Variants in KDM2A observed in about 807,000 individuals in gnomAD.
KDM2A encodes lysine-specific demethylase 2A.
In KDM2A, 3 loss-of-function variants were observed where a neutral mutation model predicts 137.3. The observed-to-expected ratio is 0.02, with a 90% CI of 0.01 to 0.06. KDM2A has a LOEUF of 0.06. Ranked by LOEUF, KDM2A falls within the 10% of genes least tolerant of loss-of-function variation. KDM2A has a pLI of 1.00. For missense variants in KDM2A, 738 were observed against 1,510.6 expected (o/e 0.49, Z 8.48); for synonymous variants, 512 against 541.5 (o/e 0.95, Z 0.76).
rs1859459906 is a variant in KDM2A, at chr11:67,252,484, T to C, written c.2769-210T>C. 5 of 581,478 alleles carry C rather than the reference T, an allele frequency of 8.6e-6. No individual in the cohort carries two copies. In the East Asian group the frequency reaches 1.5e-4, roughly 18 times the overall value. The allele number at this position is 581,478 out of a possible 1,614,324, so 36.0% of individuals were successfully genotyped here. On this transcript the variant is annotated intron_variant, in intron 17 of 20. Transcript: ENST00000529006. ...GTGGTCAAGTTATATACTATCAACA[T>C]GTAGGTTTGCAAAGCGTCTAGTTGT...
At chr11:67,201,509 G>A (rs1484565024) in intron 5 of KDM2A, among the ~76,000 whole-genome samples, 1 of 151,728 alleles carries the variant, frequency 6.6e-6, no homozygotes, top group Non-Finnish European at 1.5e-5. Flanking sequence ...GGTGGCTCAC[G>A]CCTGTAATCC....
intron 2 of KDM2A, among the ~76,000 whole-genome samples, chr11:67,176,952 AT>A (rs200841610): frequency 4.0e-5 from 6 of 150,704 alleles, no homozygotes; most frequent in African/African-American, 9.8e-5. Context: ...AATTTATAAA[AT>A]TTTTTTTTTC....
At chr11:67,148,248 C>T (rs192637375) in intron 2 of KDM2A, among the ~76,000 whole-genome samples, 7 of 149,242 alleles carry the variant, frequency 4.7e-5, no homozygotes, top group African/African-American at 7.6e-5. Context: ...ATTGCAAGAC[C>T]GCATCTCTAT....
intron 5 of KDM2A, among the ~76,000 whole-genome samples, chr11:67,193,306 A>G (rs995910819): frequency 4.6e-5 from 7 of 152,320 alleles, no homozygotes; most frequent in African/African-American, 1.4e-4. Context: ...TAAACTTTCA[A>G]CAATCTGATG....
At chr11:67,207,742 G>A (rs558624370) in intron 6 of KDM2A, 54 bp downstream of exon 6, 27 of 1,402,530 alleles carry the variant, frequency 1.9e-5, no homozygotes, top group South Asian at 1.5e-4. Context: ...GGTTGTTTTC[G>A]GCTGGACGTT....
At chr11:67,136,675 T>C (rs1855975699) in intron 2 of KDM2A, among the ~76,000 whole-genome samples, 2 of 152,148 alleles carry the variant, frequency 1.3e-5, no homozygotes, top group African/African-American at 2.4e-5. Context: ...GCCAATCTTG[T>C]GATGTTCAGG....
In KDM2A at chr11:67,255,386, G is replaced by A; in HGVS notation, c.*331G>A. The A allele has an allele frequency of 2.1e-6, 1 of 474,092 alleles. No homozygotes were observed. Among genetic ancestry groups the A allele is most frequent in the Non-Finnish European group, 4.1e-6 (1 of 241,014 alleles). 29.4% of individuals were successfully genotyped at this position (474,092 alleles called of 1,614,324 possible). A position where few individuals can be genotyped will look rare whatever the true frequency, so the allele number is the denominator to read the frequency against. ...TGTTTGTGCAACCTTCATCTGCACT[G>A]GGCCCTGTGCCCCTCCTCCCCATCC... is the stretch of plus-strand genomic sequence containing the variant. On this transcript the variant is annotated 3_prime_UTR_variant, in exon 21 of 21. Transcript: ENST00000529006.
Position 67,254,878 on chromosome 11 carries a change from C to T in KDM2A, c.3312C>T (p.Cys1104=), listed in dbSNP as rs1350147395. The T allele has an allele frequency of 6.2e-7, 1 of 1,613,578 alleles. No individual in the cohort carries two copies. The change falls in exon 21 of 21, where the codon TGC becomes TGT. Residue 1104 remains cysteine (C), a synonymous_variant. Transcript: ENST00000529006. The surrounding 1 kb of genome is among the most constrained non-coding windows in gnomAD (Gnocchi z 4.7). ...TTATGTCCACTTTCCCGACAGGTTG[C>T]AATAAATTGACAGACCAGACCCTGA... ...YSLTELNMAG[C]NKLTDQTLIY... is the part of the protein sequence containing the mutation.
intron 2 of KDM2A, among the ~76,000 whole-genome samples, chr11:67,170,960 G>T (rs564066089): frequency 6.6e-6 from 1 of 152,228 alleles, no homozygotes; most frequent in South Asian, 2.1e-4. Flanking sequence ...TCAATTACTA[G>T]CTTTGTAACC....
intron 2 of KDM2A, among the ~76,000 whole-genome samples, chr11:67,153,813 CAAAA>C (rs199567529): frequency 7.5e-5 from 6 of 79,560 alleles, no homozygotes; most frequent in Non-Finnish European, 1.2e-4. Flanking sequence ...GACCCTGTCT[CAAAA>C]AAAAAAAAAA....
intron 9 of KDM2A, among the ~76,000 whole-genome samples, chr11:67,218,844 C>T (rs908906669): frequency 1.3e-5 from 2 of 152,138 alleles, no homozygotes; most frequent in Non-Finnish European, 2.9e-5. Flanking sequence ...CTCCTGACCT[C>T]GTGATCCACC....
chr11:67,136,001 G>A (rs565694942), intron 2 of KDM2A, among the ~76,000 whole-genome samples: 28 of 152,080 alleles, frequency 1.8e-4, no homozygotes, highest in African/African-American at 6.8e-4. Flanking sequence ...TATAATTAAC[G>A]TTACTAGTGT....
At chr11:67,136,426 T>A (rs1399822841) in intron 2 of KDM2A, among the ~76,000 whole-genome samples, 1 of 152,208 alleles carries the variant, frequency 6.6e-6, no homozygotes, top group Non-Finnish European at 1.5e-5. Flanking sequence ...GTTTCCCAAG[T>A]CATCTGTTCT....
chr11:67,126,115 G>A (rs557122337), intron 2 of KDM2A, among the ~76,000 whole-genome samples: 4 of 150,894 alleles, frequency 2.7e-5, no homozygotes, highest in Non-Finnish European at 5.9e-5. Flanking sequence ...ACGTGGTGAC[G>A]CATGCCTGTA....
Position 67,255,394 on chromosome 11 carries a change from T to G in KDM2A, c.*339T>G. On this transcript the variant is annotated 3_prime_UTR_variant, in exon 21 of 21. Transcript: ENST00000529006. Reference sequence around the variant, plus strand: ...CAACCTTCATCTGCACTGGGCCCTGTGCCCCTCCTCCCCATCCATGGTCCC... The same window carrying G: ...CAACCTTCATCTGCACTGGGCCCTGGGCCCCTCCTCCCCATCCATGGTCCC... 8.6e-6 allele frequency: 4 copies of G among 462,506 alleles called. No individual in the cohort carries two copies. Among genetic ancestry groups the G allele is most frequent in the East Asian group, 6.3e-5 (1 of 15,972 alleles). 28.7% of individuals were successfully genotyped at this position (462,506 alleles called of 1,614,324 possible).
chr11:67,157,331 A>C (rs1856539865), intron 2 of KDM2A, among the ~76,000 whole-genome samples: 1 of 147,382 alleles, frequency 6.8e-6, no homozygotes, highest in South Asian at 2.1e-4. Flanking sequence ...AAAAAAAAAA[A>C]CAAAAAACAC....
At chr11:67,143,500 C>CT (rs1405761269) in intron 2 of KDM2A, 1 of 152,128 alleles carries the variant, frequency 6.6e-6, no homozygotes, top group Non-Finnish European at 1.5e-5. Context: ...AACTACTACT[C>CT]AGTCAAGATT....
chr11:67,205,654 G>C (rs528220557), intron 5 of KDM2A, among the ~76,000 whole-genome samples: 1 of 151,748 alleles, frequency 6.6e-6, no homozygotes, highest in African/African-American at 2.4e-5. Context: ...AATTTTTTTT[G>C]TATTTTTAGT....
intron 2 of KDM2A, among the ~76,000 whole-genome samples, chr11:67,131,516 A>G (rs1388601035): frequency 2.0e-5 from 3 of 150,804 alleles, no homozygotes; most frequent in African/African-American, 4.9e-5. Context: ...GGTTCAGGCA[A>G]TTCTCCTGCC....
Sources: gnomAD v4.1 joint callset for allele counts (sites outside exome capture counted in the v4.1 genomes callset) on GRCh38, gnomAD v4.1.1 for gene constraint, Gnocchi (gnomAD v3.1) non-coding constraint, MANE v1.5 for transcripts, NCBI Gene and HGNC (gene_info 2026-07-23, HGNC 2026-07-21) for gene names.